HOOK3: variants seen among roughly 807,000 people sequenced by gnomAD.
HOOK3 encodes protein Hook homolog 3.
A neutral mutation model predicts 116.3 loss-of-function variants in HOOK3; 24 were observed. The ratio of observed to expected loss-of-function variants is 0.21; its 90% CI spans 0.15 to 0.29. The LOEUF is 0.29. HOOK3 is among the 10% of genes least tolerant of loss of function. The pLI, the probability that HOOK3 is intolerant of heterozygous loss-of-function variation, is 1.00. For synonymous variants in HOOK3, 275 were observed against 283.0 expected (o/e 0.97, Z 0.28); for missense variants, 632 against 830.2 (o/e 0.76, Z 2.93).
chr8:42,965,001 C>CT (rs1157249840), intron 9 of HOOK3, among the ~76,000 whole-genome samples: 1 of 152,238 alleles, frequency 6.6e-6, no homozygotes, highest in African/African-American at 2.4e-5. Flanking sequence ...AATGCCGCAA[C>CT]TATAGGATAC....
At chr8:42,979,096 T>C (rs1315253621) in intron 13 of HOOK3, among the ~76,000 whole-genome samples, 1 of 152,068 alleles carries the variant, frequency 6.6e-6, no homozygotes, top group Non-Finnish European at 1.5e-5. Flanking sequence ...CATCTGTCTC[T>C]AAATATATAT....
At chr8:42,969,655 T>C (rs997360298) in intron 11 of HOOK3, among the ~76,000 whole-genome samples, 2 of 152,178 alleles carry the variant, frequency 1.3e-5, no homozygotes, top group African/African-American at 4.8e-5. Context: ...AGACCTTGTC[T>C]TGAGAAAAGA....
At chr8:42,959,375 G>A in intron 8 of HOOK3, 61 bp downstream of exon 8, 2 of 1,111,778 alleles carry the variant, frequency 1.8e-6, no homozygotes, top group South Asian at 1.3e-5. Context: ...ACCACCAAAT[G>A]TGCTGTGTAC....
At chr8:42,962,486 A>G (rs1292783131) in intron 8 of HOOK3, among the ~76,000 whole-genome samples, 1 of 149,368 alleles carries the variant, frequency 6.7e-6, no homozygotes, top group East Asian at 2.0e-4. Flanking sequence ...GGCTCACTAT[A>G]GCCTCGACCT....
intron 2 of HOOK3, among the ~76,000 whole-genome samples, chr8:42,919,147 C>A (rs897228965): frequency 2.0e-5 from 3 of 151,154 alleles, no homozygotes; most frequent in African/African-American, 7.3e-5. Context: ...ACTTCCCAGA[C>A]GGGGCGGCTG....
At chr8:42,919,554 A>G (rs1807608620) in intron 2 of HOOK3, among the ~76,000 whole-genome samples, 1 of 152,202 alleles carries the variant, frequency 6.6e-6, no homozygotes, top group Non-Finnish European at 1.5e-5. Context: ...GGCCGGGCAG[A>G]GGCTGCAATC....
At position 43,021,152 on chromosome 8, in the gene HOOK3, C is replaced by A; in HGVS notation, c.*2654C>A. ...AAAAAAACAGTCTGTGAACTACTCA[C>A]TGAATGAATTTTGTTCTGTGAGATG... is the stretch of plus-strand genomic sequence containing the variant. On this transcript the variant is annotated 3_prime_UTR_variant, in exon 22 of 22. Coordinates refer to ENST00000307602, the MANE Select transcript of HOOK3 (RefSeq NM_032410.4). 1 of 160,972 alleles carries A rather than the reference C, an allele frequency of 6.2e-6. No individual in the cohort carries two copies. The allele number at this position is 160,972 out of a possible 1,614,324, so 10.0% of individuals were successfully genotyped here.
chr8:42,971,298 G>A (rs1011862819), intron 11 of HOOK3, among the ~76,000 whole-genome samples: 2 of 151,824 alleles, frequency 1.3e-5, no homozygotes, highest in African/African-American at 4.8e-5. Flanking sequence ...TCAGAGTCTC[G>A]CTCTGTCGCT....
chr8:42,911,269 T>C (rs1031277508), intron 2 of HOOK3, among the ~76,000 whole-genome samples: 4 of 152,104 alleles, frequency 2.6e-5, no homozygotes, highest in Non-Finnish European at 4.4e-5. Flanking sequence ...CTGACCAACA[T>C]GGTGAAACTC....
chr8:42,926,808 CAT>C (rs914960090), intron 3 of HOOK3, among the ~76,000 whole-genome samples: 5 of 152,172 alleles, frequency 3.3e-5, no homozygotes, highest in Non-Finnish European at 5.9e-5. Context: ...AGCTCTGTCT[CAT>C]GTGTAGCTTT....
chr8:42,967,390 T>G (rs1326495896), intron 10 of HOOK3, among the ~76,000 whole-genome samples: 1 of 152,184 alleles, frequency 6.6e-6, no homozygotes. Context: ...TAAACTTCCC[T>G]GGGTTCCCAC....
In HOOK3 at chr8:42,974,619, T is replaced by C. The variant is rs117164727; in HGVS notation, c.1321+425T>C. Among the ~76,000 whole-genome samples, 111 of 152,334 alleles carry C rather than the reference T, an allele frequency of 7.3e-4. 1 individual carries two copies. In the East Asian group the frequency reaches 0.019, roughly 27 times the overall value. On this transcript the variant is annotated intron_variant, in intron 13 of 21. Transcript: ENST00000307602. ...TGTGCTGATAGATAAAAATGAAACA[T>C]TGGGCCCACGTGCGCTCCTCCTCGC...
At chr8:42,901,102 AC>A (rs1338450745) in intron 1 of HOOK3, among the ~76,000 whole-genome samples, 2 of 152,204 alleles carry the variant, frequency 1.3e-5, no homozygotes, top group African/African-American at 4.8e-5. Context: ...TGACAATAGC[AC>A]CCAACTCACA....
At chr8:42,955,219 A>G (rs889086030) in intron 6 of HOOK3, among the ~76,000 whole-genome samples, 1 of 152,184 alleles carries the variant, frequency 6.6e-6, no homozygotes, top group African/African-American at 2.4e-5. Context: ...CCAAACACAG[A>G]TGGAATATAC....
At chr8:42,961,591 A>G (rs1808535324) in intron 8 of HOOK3, among the ~76,000 whole-genome samples, 1 of 152,216 alleles carries the variant, frequency 6.6e-6, no homozygotes, top group Non-Finnish European at 1.5e-5. Flanking sequence ...CAGAGGAGAG[A>G]GTCACTAGAT....
intron 1 of HOOK3, among the ~76,000 whole-genome samples, chr8:42,898,886 T>C (rs1157473830): frequency 6.6e-6 from 1 of 152,232 alleles, no homozygotes; most frequent in Non-Finnish European, 1.5e-5. Context: ...AACACTTACC[T>C]TAGCCTACAA....
Position 43,010,360 on chromosome 8 carries a change from G to C in HOOK3, c.1794G>C (p.Lys598Asn). ...TACGAAAGAAAGAGGAAGAAATGAAGCAAATGGAAGAACGATACAAAAAAT... is the reference window on the plus strand; with the variant it reads ...TACGAAAGAAAGAGGAAGAAATGAACCAAATGGAAGAACGATACAAAAAAT... The part of the protein sequence containing the change: ...EALRKKEEEM[K>N]QMEERYKKYL... Residue 598 changes from lysine (K) to asparagine (N), a missense_variant, in exon 19 of 22, where the codon AAG (lysine) becomes AAC (asparagine). Transcript: ENST00000307602. 1 of 1,492,794 alleles carries C rather than the reference G, an allele frequency of 6.7e-7. No homozygotes were observed. Among genetic ancestry groups the C allele is most frequent in the Non-Finnish European group, 8.9e-7 (1 of 1,120,534 alleles). The allele number at this position is 1,492,794 out of a possible 1,614,324, so 92.5% of individuals were successfully genotyped here. A position where few individuals can be genotyped will look rare whatever the true frequency, so the allele number is the denominator to read the frequency against.
At chr8:42,899,010 A>C (rs538630794) in intron 1 of HOOK3, among the ~76,000 whole-genome samples, 1 of 152,360 alleles carries the variant, frequency 6.6e-6, no homozygotes, top group South Asian at 2.1e-4. Flanking sequence ...ATGGGCACTC[A>C]GAGTATGGTT....
intron 21 of HOOK3, among the ~76,000 whole-genome samples, chr8:43,017,308 C>T (rs1809742241): frequency 2.6e-5 from 4 of 152,186 alleles, no homozygotes; most frequent in Admixed American, 2.6e-4. Context: ...CGCACTGTTC[C>T]CATGCTACAG....
Sources: allele counts gnomAD v4.1 joint callset (sites outside exome capture counted in the v4.1 genomes callset), GRCh38; gene constraint gnomAD v4.1.1; transcripts MANE v1.5; gene names NCBI Gene and HGNC (gene_info 2026-07-23, HGNC 2026-07-21).